Variants in FER observed in about 807,000 individuals in gnomAD.
The protein encoded by FER is FER tyrosine kinase.
In FER, 63 loss-of-function variants were observed where a neutral mutation model predicts 111.0. That is an observed-to-expected ratio of 0.57 (90% CI 0.46 to 0.70). FER has a LOEUF of 0.70. Among genes scored for constraint, FER ranks in the 30% least tolerant of loss-of-function variants. FER has a pLI of 0.00. For missense variants in FER, 914 were observed against 954.0 expected, an observed-to-expected ratio of 0.96 and a Z score of 0.55; for synonymous variants, 327 against 313.9, an observed-to-expected ratio of 1.04 and a Z score of -0.44.
At chr5:109,047,841 T>C (rs1039961832) in intron 16 of FER, among the ~76,000 whole-genome samples, 1 of 152,210 alleles carries the variant, frequency 6.6e-6, no homozygotes, top group African/African-American at 2.4e-5. Context: ...GATCAGTCTA[T>C]GAATATGTCT....
chr5:109,016,534 C>CT (rs2149817184), intron 13 of FER, among the ~76,000 whole-genome samples: 1 of 152,124 alleles, frequency 6.6e-6, no homozygotes, highest in African/African-American at 2.4e-5. Context: ...CACTTGTGTA[C>CT]TTTTTTGTGT....
chr5:108,769,553 CT>C (rs1310956507), intron 2 of FER, among the ~76,000 whole-genome samples: 18 of 152,180 alleles, frequency 1.2e-4, no homozygotes, highest in East Asian at 9.7e-4. Context: ...TGAAAGCTGG[CT>C]TTTAGGAGCT....
rs73215531 is a variant in FER at position 109,179,393 on chromosome 5, G to C, written c.2049-1354G>C. Reference sequence around the variant, plus strand: ...ATAAATTCCTTAATATTTCTAGATTGTTTTACCAATGGGTTTGAATATTTG... The same window carrying C: ...ATAAATTCCTTAATATTTCTAGATTCTTTTACCAATGGGTTTGAATATTTG... On this transcript the variant is annotated intron_variant, in intron 17 of 19. Coordinates refer to ENST00000281092, the MANE Select transcript of FER (RefSeq NM_005246.4). 3.8e-3 allele frequency among the ~76,000 whole-genome samples: 441 copies of C among 116,298 alleles called. 3 individuals carry two copies. The highest frequency in any genetic ancestry group is 0.013 in the African/African-American group (428 of 33,938). The allele number at this position is 116,298 out of a possible 152,430, so 76.3% of individuals were successfully genotyped here.
chr5:108,954,359 A>G (rs1015914131), intron 11 of FER, among the ~76,000 whole-genome samples: 3 of 152,138 alleles, frequency 2.0e-5, no homozygotes, highest in Non-Finnish European at 2.9e-5. Flanking sequence ...TTTCATTTAC[A>G]TAAAAATTAA....
At chr5:108,894,425 G>A in intron 9 of FER, 1 of 590,636 alleles carries the variant, frequency 1.7e-6, no homozygotes, top group South Asian at 2.6e-5. Context: ...GCAACTGCAT[G>A]TATCGGACCA....
intron 10 of FER, among the ~76,000 whole-genome samples, chr5:108,916,152 TA>T (rs1354537651): frequency 2.6e-5 from 4 of 152,184 alleles, no homozygotes; most frequent in African/African-American, 9.6e-5. Flanking sequence ...GAATTTAAAA[TA>T]AAAATATTTA....
intron 3 of FER, among the ~76,000 whole-genome samples, chr5:108,830,006 T>G (rs1318722255): frequency 6.6e-6 from 1 of 152,082 alleles, no homozygotes; most frequent in Non-Finnish European, 1.5e-5. Flanking sequence ...CAGGTAGAGG[T>G]AGAAACTTTC....
chr5:108,862,419 T>C (rs76219642), intron 5 of FER, among the ~76,000 whole-genome samples: 1,879 of 152,290 alleles, frequency 0.012, 36 homozygotes, highest in African/African-American at 0.043. Context: ...AGTTTAAATA[T>C]CTGTGCAAAT....
intron 16 of FER, among the ~76,000 whole-genome samples, chr5:109,097,129 CTG>C (rs905847149): frequency 1.3e-5 from 2 of 151,612 alleles, no homozygotes; most frequent in African/African-American, 4.8e-5. Context: ...TATTAAATGT[CTG>C]TTTTCCAGAA....
intron 9 of FER, among the ~76,000 whole-genome samples, chr5:108,890,076 T>A (rs1413051021): frequency 1.3e-5 from 2 of 152,018 alleles, no homozygotes; most frequent in African/African-American, 4.8e-5. Context: ...GGATCTCTCA[T>A]GTTGTACTTT....
chr5:108,869,697 C>T (rs937414609), intron 6 of FER, among the ~76,000 whole-genome samples: 23 of 152,234 alleles, frequency 1.5e-4, no homozygotes, highest in African/African-American at 4.6e-4. Flanking sequence ...GTTTTACATA[C>T]AAATATTTCA....
intron 3 of FER, chr5:108,819,859 C>T (rs1310001953): frequency 1.0e-6 from 1 of 984,954 alleles, no homozygotes; most frequent in African/African-American, 1.8e-5. Context: ...CCCCAGAAGT[C>T]TATTTGAGGA....
intron 16 of FER, among the ~76,000 whole-genome samples, chr5:109,070,988 G>T (rs971045186): frequency 2.6e-5 from 4 of 151,952 alleles, no homozygotes; most frequent in African/African-American, 9.7e-5. Flanking sequence ...CTTTGCTGTG[G>T]ATAATATATA....
intron 17 of FER, among the ~76,000 whole-genome samples, chr5:109,163,232 T>C (rs986167458): frequency 2.0e-5 from 3 of 149,754 alleles, no homozygotes; most frequent in Non-Finnish European, 4.4e-5. Context: ...GTTTATGCTT[T>C]TTTATTTCTG....
chr5:109,124,940 G>A (rs1425191500), intron 17 of FER, among the ~76,000 whole-genome samples: 21 of 151,552 alleles, frequency 1.4e-4, no homozygotes, highest in African/African-American at 5.1e-4. Context: ...CAGCTACTCG[G>A]GAGGCTGAGG....
intron 13 of FER, among the ~76,000 whole-genome samples, chr5:109,023,245 G>A (rs1470197408): frequency 6.6e-6 from 1 of 152,114 alleles, no homozygotes; most frequent in East Asian, 1.9e-4. Context: ...AAATAATCAA[G>A]AATGATTAAG....
chr5:109,074,463 A>G (rs548400571), intron 16 of FER, among the ~76,000 whole-genome samples: 5 of 152,364 alleles, frequency 3.3e-5, no homozygotes, highest in South Asian at 2.1e-4. Flanking sequence ...TAGAAACTCA[A>G]TAAACTCTAC....
chr5:108,966,569 G>A (rs1759872167), intron 13 of FER, among the ~76,000 whole-genome samples: 1 of 151,724 alleles, frequency 6.6e-6, no homozygotes, highest in Non-Finnish European at 1.5e-5. Flanking sequence ...TGTGTTTTTA[G>A]TAGAGACGGG....
At chr5:109,129,123 C>T (rs1257301593) in intron 17 of FER, among the ~76,000 whole-genome samples, 31 of 151,918 alleles carry the variant, frequency 2.0e-4, no homozygotes, top group Admixed American at 2.0e-3. Flanking sequence ...GGTGTTGGAA[C>T]AATTATGTAA....
Sources: allele counts gnomAD v4.1 joint callset (sites outside exome capture counted in the v4.1 genomes callset), GRCh38; gene constraint gnomAD v4.1.1; transcripts MANE v1.5; gene names NCBI Gene and HGNC (gene_info 2026-07-23, HGNC 2026-07-21).